The following UGT1A6 variants were observed in gnomAD, a reference collection of about 807,000 sequenced individuals.
UGT1A6 encodes the protein UDP-glucuronosyltransferase 1A6.
A neutral mutation model predicts 44.4 loss-of-function variants in UGT1A6; 32 were observed. The ratio of observed to expected loss-of-function variants is 0.72; its 90% CI spans 0.54 to 0.97. The LOEUF is 0.97. Ranked by LOEUF, UGT1A6 falls within the 50% of genes least tolerant of loss-of-function variation. The pLI is 0.00. For missense variants in UGT1A6, 685 were observed against 661.9 expected, an observed-to-expected ratio of 1.03 and a Z score of -0.38; for synonymous variants, 238 against 248.5, an observed-to-expected ratio of 0.96 and a Z score of 0.40.
intron 1 of UGT1A6, among the ~76,000 whole-genome samples, chr2:233,701,108 C>T (rs1258266340): frequency 1.3e-5 from 2 of 152,114 alleles, no homozygotes; most frequent in African/African-American, 4.8e-5. Flanking sequence ...TTTTCTTAAT[C>T]CAGTCTATCA....
chr2:233,754,446 C>A, intron 1 of UGT1A6: 1 of 350,362 alleles, frequency 2.9e-6, no homozygotes, highest in Non-Finnish European at 5.6e-6. Context: ...TTTATAAATT[C>A]TTGGGTACAG....
At chr2:233,761,337 T>C (rs1199702907) in intron 1 of UGT1A6, among the ~76,000 whole-genome samples, 1 of 152,264 alleles carries the variant, frequency 6.6e-6, no homozygotes, top group Non-Finnish European at 1.5e-5. Context: ...GATTTCTTGG[T>C]ATCTGAGATT....
At position 233,772,771 on chromosome 2, in the gene UGT1A6, G is replaced by A. The variant is rs989549467; in HGVS notation, c.*212G>A. 1 of 1,323,730 alleles carries A rather than the reference G, an allele frequency of 7.6e-7. No individual in the cohort carries two copies. The highest frequency in any genetic ancestry group is 1.5e-5 in the African/African-American group (1 of 67,390). The allele number at this position is 1,323,730 out of a possible 1,614,324, so 82.0% of individuals were successfully genotyped here. On this transcript the variant is annotated 3_prime_UTR_variant, in exon 5 of 5. Coordinates refer to ENST00000305139, the MANE Select transcript of UGT1A6 (RefSeq NM_001072.4). ...TTTGAATATGTATCGTGCCCCCTCTGGTGTCTTTGATCAGGATGACATGTG... is the reference window on the plus strand; with the variant it reads ...TTTGAATATGTATCGTGCCCCCTCTAGTGTCTTTGATCAGGATGACATGTG...
In UGT1A6 at chr2:233,693,009, C is replaced by T; in HGVS notation, c.5C>T (p.Ala2Val). The change falls in exon 1 of 5, where the codon GCC becomes GTC. Residue 2 changes from alanine (A) to valine (V), a missense_variant. Ala to Val is a moderately conservative substitution (Grantham distance 64). Transcript: ENST00000305139. M[A>V]CLLRSFQRIS... The stretch of plus-strand genomic sequence containing the variant: ...GTTACTTTAACTCTTTCCAGGATGG[C>T]CTGCCTCCTTCGCTCATTTCAGAGA... 1.2e-6 allele frequency: 2 copies of T among 1,614,130 alleles called. No individual in the cohort carries two copies. Among genetic ancestry groups the T allele is most frequent in the Non-Finnish European group, 1.7e-6 (2 of 1,180,022 alleles).
rs139110841 is a variant in UGT1A6, at chr2:233,729,282, T to C, written c.861+35417T>C. 648 of 1,614,246 alleles carry C rather than the reference T, an allele frequency of 4.0e-4. 1 individual carries two copies. In the Middle Eastern group the frequency reaches 4.5e-3, roughly 11 times the overall value. ...TGCGGGAGGTCTTGCGGGAGCTCCA[T>C]GCCAGAGGCCACCAGGCAGTGGTCC... On this transcript the variant is annotated intron_variant, in intron 1 of 4. Transcript: ENST00000305139.
chr2:233,752,100 A>T (rs1044606587), intron 1 of UGT1A6, among the ~76,000 whole-genome samples: 1 of 152,250 alleles, frequency 6.6e-6, no homozygotes, highest in Non-Finnish European at 1.5e-5. Context: ...GACAGAAAGT[A>T]GAATCAGAGG....
At chr2:233,701,446 G>T (rs1417753251) in intron 1 of UGT1A6, among the ~76,000 whole-genome samples, 5 of 152,056 alleles carry the variant, frequency 3.3e-5, no homozygotes, top group Non-Finnish European at 7.4e-5. Context: ...GAGACAGAAA[G>T]TTAACAAGGA....
At chr2:233,756,340 T>C (rs1696187802) in intron 1 of UGT1A6, 1 of 152,248 alleles carries the variant, frequency 6.6e-6, no homozygotes, top group Non-Finnish European at 1.5e-5. Flanking sequence ...AGTCATCTCT[T>C]GATTACTTTT....
chr2:233,748,071 C>G (rs1693854159), intron 1 of UGT1A6: 1 of 1,613,254 alleles, frequency 6.2e-7, no homozygotes, highest in Non-Finnish European at 8.5e-7. Flanking sequence ...CAGGAAGCCA[C>G]TATCTCAGGT....
At chr2:233,730,798 G>T (rs772379862) in intron 1 of UGT1A6, among the ~76,000 whole-genome samples, 4 of 152,122 alleles carry the variant, frequency 2.6e-5, no homozygotes, top group Non-Finnish European at 5.9e-5. Flanking sequence ...AGTGATGAAT[G>T]GACATGCGTC....
At chr2:233,751,971 G>A (rs1694860296) in intron 1 of UGT1A6, among the ~76,000 whole-genome samples, 1 of 152,158 alleles carries the variant, frequency 6.6e-6, no homozygotes, top group Non-Finnish European at 1.5e-5. Context: ...TCTGAGAAAA[G>A]GAAATGAATC....
rs34993780 is a variant in UGT1A6 at position 233,772,413 on chromosome 2, T to C, written c.1453T>C (p.Tyr485His). 6.2e-7 allele frequency: 1 copy of C among 1,614,064 alleles called. No homozygotes were observed. The highest frequency in any genetic ancestry group is 8.5e-7 in the Non-Finnish European group (1 of 1,180,038). The change falls in exon 5 of 5, where the codon TAC becomes CAC. Residue 485 changes from tyrosine (Y) to histidine (H), a missense_variant. By Grantham distance (83) the Tyr-to-His change is moderately conservative (BLOSUM62 2). Coordinates refer to ENST00000305139, the MANE Select transcript of UGT1A6 (RefSeq NM_001072.4). ...AGCCCACGACCTCACCTGGTACCAG[T>C]ACCATTCCTTGGACGTGATTGGTTT... The part of the protein sequence containing the change: ...PAAHDLTWYQ[Y>H]HSLDVIGFLL...
chr2:233,717,138 C>T (rs1487946480), intron 1 of UGT1A6, among the ~76,000 whole-genome samples: 1 of 152,228 alleles, frequency 6.6e-6, no homozygotes, highest in Non-Finnish European at 1.5e-5. Context: ...AACACCACTA[C>T]ATGGAAATAG....
chr2:233,760,460 T>C (rs2125984411), intron 1 of UGT1A6: 1 of 1,614,176 alleles, frequency 6.2e-7, no homozygotes. Flanking sequence ...CATGAAATAG[T>C]TGTCCTAGCA....
chr2:233,769,731 T>C lies in UGT1A6; in HGVS notation c.1301+1292T>C. ...TTGGCTAGGCACCATGGCACACGCC[T>C]GTAGTCCCAGCCACTCTGGAGGCTA... On this transcript the variant is annotated intron_variant, in intron 4 of 4. Coordinates refer to ENST00000305139, the MANE Select transcript of UGT1A6 (RefSeq NM_001072.4). The surrounding 1 kb of genome is among the most constrained non-coding windows in gnomAD (Gnocchi z 4.4). The C allele has an allele frequency of 6.8e-7, 1 of 1,467,200 alleles. No individual in the cohort carries two copies. Among genetic ancestry groups the C allele is most frequent in the Non-Finnish European group, 9.0e-7 (1 of 1,108,292 alleles). 90.9% of individuals were successfully genotyped at this position (1,467,200 alleles called of 1,614,324 possible). A position where few individuals can be genotyped will look rare whatever the true frequency, so the allele number is the denominator to read the frequency against.
At chr2:233,709,236 C>T (rs1559356287) in intron 1 of UGT1A6, among the ~76,000 whole-genome samples, 1 of 152,028 alleles carries the variant, frequency 6.6e-6, no homozygotes, top group Non-Finnish European at 1.5e-5. Flanking sequence ...GAGGGGTGGC[C>T]GCTGGGATGA....
chr2:233,715,168 G>T (rs926967380), intron 1 of UGT1A6, among the ~76,000 whole-genome samples: 1 of 152,054 alleles, frequency 6.6e-6, no homozygotes, highest in African/African-American at 2.4e-5. Flanking sequence ...TTACAGGCGC[G>T]AGCCACCACA....
In UGT1A6 at chr2:233,695,130, C is replaced by CTTTCTTTTTTTTTTTTT. The variant is rs1364557158; in HGVS notation, c.861+1268_861+1269insCTTTTTTTTTTTTTTTT. On this transcript the variant is annotated intron_variant, in intron 1 of 4. Transcript: ENST00000305139. ...GCCCATTAACCAACCCTTTTCTTTT[C>CTTTCTTTTTTTTTTTTT]TTTTTTTTTTTTTTGAGACAGAGTC... 2.9e-5 allele frequency among the ~76,000 whole-genome samples: 4 copies of CTTTCTTTTTTTTTTTTT among 138,838 alleles called. 1 individual carries two copies. 91.1% of individuals were successfully genotyped at this position (138,838 alleles called of 152,430 possible).
At chr2:233,729,219 G>A in intron 1 of UGT1A6, 1 of 1,614,156 alleles carries the variant, frequency 6.2e-7, no homozygotes, top group Non-Finnish European at 8.5e-7. Context: ...GTGGAAAGGT[G>A]TTGGTGGTGC....
Sources: allele counts gnomAD v4.1 joint callset (sites outside exome capture counted in the v4.1 genomes callset), GRCh38; gene constraint gnomAD v4.1.1; non-coding constraint Gnocchi (gnomAD v3.1); transcripts MANE v1.5; gene names NCBI Gene and HGNC (gene_info 2026-07-23, HGNC 2026-07-21).